The following GLB1L3 variants were observed in gnomAD, a reference collection of about 807,000 sequenced individuals.
GLB1L3 encodes the protein beta-galactosidase-1-like protein 3.
Under a neutral mutation model 89.5 loss-of-function variants are expected in GLB1L3, and 89 were observed. The observed-to-expected ratio is 0.99, with a 90% CI of 0.84 to 1.19. The LOEUF (loss-of-function observed/expected upper bound fraction) is 1.19. Among genes scored for constraint, GLB1L3 ranks in the 50% most tolerant of loss-of-function variants. The pLI is 0.00. For synonymous variants in GLB1L3, 314 were observed against 312.3 expected (o/e 1.01, Z -0.06); for missense variants, 812 against 813.3 (o/e 1.00, Z 0.02).
chr11:134,294,398 G>A (rs1360736359), intron 9 of GLB1L3, among the ~76,000 whole-genome samples: 1 of 152,184 alleles, frequency 6.6e-6, no homozygotes, highest in Non-Finnish European at 1.5e-5. Context: ...TTTCCAACTC[G>A]GTGAAAGGCA....
chr11:134,276,181 C>G (rs1940362435), upstream of GLB1L3: 5 of 152,480 alleles, frequency 3.3e-5, no homozygotes, highest in Admixed American at 3.3e-4. Context: ...CAAGGCTCTG[C>G]GCCCCAATTC....
intron 9 of GLB1L3, among the ~76,000 whole-genome samples, chr11:134,294,582 G>T (rs1380133518): frequency 6.6e-6 from 1 of 152,050 alleles, no homozygotes; most frequent in Non-Finnish European, 1.5e-5. Context: ...TCAACATACA[G>T]AGTTCCACAA....
At chr11:134,308,400 A>T (rs1591579527) in intron 10 of GLB1L3, among the ~76,000 whole-genome samples, 1 of 105,602 alleles carries the variant, frequency 9.5e-6, no homozygotes, top group African/African-American at 4.0e-5. Flanking sequence ...CACCACCATC[A>T]CCATCACCAC....
At chr11:134,308,238 TCAC>T (rs1343799553) in intron 10 of GLB1L3, among the ~76,000 whole-genome samples, 369 of 26,238 alleles carry the variant, frequency 0.014, 11 homozygotes, top group Non-Finnish European at 0.016. Flanking sequence ...ACCACCACCA[TCAC>T]CATCACCACC....
At chr11:134,280,167 TTTTATTTATTTA>T (rs144409069) in intron 3 of GLB1L3, among the ~76,000 whole-genome samples, 1 of 151,880 alleles carries the variant, frequency 6.6e-6, no homozygotes, top group Admixed American at 6.5e-5. Context: ...ACGCTTTCTG[TTTTATTTATTTA>T]TTTATTTATT....
rs865797612 is a variant in GLB1L3 at position 134,276,650 on chromosome 11, C to T, written c.-91C>T. On this transcript the variant is annotated 5_prime_UTR_variant, in exon 1 of 20. Coordinates refer to ENST00000431683, the MANE Select transcript of GLB1L3 (RefSeq NM_001080407.3). ...CAGACCTGAGCCTGCCCCGCGGAAC[C>T]GGGGCTCGAGTCCCGGCCCGAGCGC... 5.8e-5 allele frequency: 69 copies of T among 1,195,338 alleles called. 1 individual carries two copies. The Middle Eastern group carries it at 1.5e-3, about 26-fold the overall frequency. 74.0% of individuals were successfully genotyped at this position (1,195,338 alleles called of 1,614,324 possible).
chr11:134,280,435 T>A (rs1045016127), intron 3 of GLB1L3, among the ~76,000 whole-genome samples: 1 of 152,206 alleles, frequency 6.6e-6, no homozygotes, highest in East Asian at 1.9e-4. Flanking sequence ...GCTACTGGGT[T>A]CTCTATGTAT....
intron 12 of GLB1L3, 59 bp from the exon 13 acceptor site, chr11:134,311,004 CT>C: frequency 8.3e-7 from 1 of 1,199,452 alleles, no homozygotes. Flanking sequence ...GCATGGGGGG[CT>C]TAGAGAAGGC....
intron 9 of GLB1L3, among the ~76,000 whole-genome samples, chr11:134,306,613 G>T (rs1371474826): frequency 6.6e-6 from 1 of 152,184 alleles, no homozygotes; most frequent in Non-Finnish European, 1.5e-5. Flanking sequence ...CCCAGAAGAA[G>T]CTCAGCTATG....
chr11:134,276,621 C>A lies in GLB1L3; in HGVS notation c.-120C>A. On this transcript the variant is annotated 5_prime_UTR_variant, in exon 1 of 20. Transcript: ENST00000431683. ...ATTTCTGCCTCGGCTGCAGGCGCAGCGCGCAGACCTGAGCCTGCCCCGCGG... is the reference window on the plus strand; with the variant it reads ...ATTTCTGCCTCGGCTGCAGGCGCAGAGCGCAGACCTGAGCCTGCCCCGCGG... 6.6e-6 allele frequency: 6 copies of A among 913,908 alleles called. No homozygotes were observed. The highest frequency in any genetic ancestry group is 8.7e-6 in the Non-Finnish European group (6 of 692,528). The allele number at this position is 913,908 out of a possible 1,614,324, so 56.6% of individuals were successfully genotyped here. A position where few individuals can be genotyped will look rare whatever the true frequency, so the allele number is the denominator to read the frequency against.
At chr11:134,281,333 G>C in intron 3 of GLB1L3, 44 bp from the exon 4 acceptor site, 1 of 1,610,598 alleles carries the variant, frequency 6.2e-7, no homozygotes, top group Middle Eastern at 1.7e-4. Flanking sequence ...TTTGGAGGAA[G>C]AAATAAGAAG....
chr11:134,313,872 G>C (rs1321283391), intron 16 of GLB1L3, 69 bp from the exon 17 acceptor site: 4 of 1,010,210 alleles, frequency 4.0e-6, no homozygotes, highest in African/African-American at 3.2e-5. Flanking sequence ...GCATTGCTTT[G>C]TCCCAGATGC....
intron 6 of GLB1L3, among the ~76,000 whole-genome samples, chr11:134,288,050 G>T (rs1240638391): frequency 6.6e-6 from 1 of 152,212 alleles, no homozygotes; most frequent in Non-Finnish European, 1.5e-5. Context: ...GCTCCAAGGA[G>T]AAGGAAATGC....
chr11:134,306,995 G>A (rs529785716), intron 9 of GLB1L3, 129 bp from the exon 10 acceptor site: 6 of 630,748 alleles, frequency 9.5e-6, no homozygotes, highest in East Asian at 2.9e-5. Context: ...GGATCAAAAC[G>A]GGAAAGCTCT....
intron 9 of GLB1L3, among the ~76,000 whole-genome samples, chr11:134,293,901 C>T (rs1047990097): frequency 2.6e-5 from 4 of 152,138 alleles, no homozygotes; most frequent in African/African-American, 9.7e-5. Context: ...CGCTGTGAGC[C>T]TCTGCCTCCG....
chr11:134,297,933 G>A (rs11223751), intron 9 of GLB1L3, among the ~76,000 whole-genome samples: 14 of 150,340 alleles, frequency 9.3e-5, no homozygotes, highest in East Asian at 7.8e-4. Flanking sequence ...AACCTGACAC[G>A]ACTAATCATA....
intron 8 of GLB1L3, 107 bp downstream of exon 8, chr11:134,292,320 C>T: frequency 1.4e-6 from 1 of 738,306 alleles, no homozygotes; most frequent in Non-Finnish European, 2.3e-6. Context: ...CCTCCCTTTC[C>T]CGTGTCCACT....
At chr11:134,324,461 T>C (rs1943200101), downstream of GLB1L3, among the ~76,000 whole-genome samples, 1 of 152,226 alleles carries the variant, frequency 6.6e-6, no homozygotes, top group South Asian at 2.1e-4. Context: ...GCTTTTTATT[T>C]AGTCTCTGCA....
At chr11:134,295,933 T>C (rs536034265) in intron 9 of GLB1L3, among the ~76,000 whole-genome samples, 1 of 152,226 alleles carries the variant, frequency 6.6e-6, no homozygotes, top group Admixed American at 6.5e-5. Context: ...GCTAGTATTC[T>C]GTGATTGATT....
Sources: gnomAD v4.1 joint callset for allele counts (sites outside exome capture counted in the v4.1 genomes callset) on GRCh38, gnomAD v4.1.1 for gene constraint, MANE v1.5 for transcripts, NCBI Gene and HGNC (gene_info 2026-07-23, HGNC 2026-07-21) for gene names.